Variants in SCN8A observed in about 807,000 individuals in gnomAD.
The protein encoded by SCN8A is sodium channel protein type 8 subunit alpha.
Under a neutral mutation model 184.1 loss-of-function variants are expected in SCN8A, and 30 were observed. That is an observed-to-expected ratio of 0.16 (90% CI 0.12 to 0.22). The LOEUF (loss-of-function observed/expected upper bound fraction) is 0.22. Among genes scored for constraint, SCN8A ranks in the 10% least tolerant of loss-of-function variants. The pLI is 1.00. For missense variants in SCN8A, 1,057 were observed against 2,498.9 expected, an observed-to-expected ratio of 0.42 and a Z score of 12.30; for synonymous variants, 852 against 907.0, an observed-to-expected ratio of 0.94 and a Z score of 1.09.
At chr12:51,743,089 C>G (rs1025175620) in intron 12 of SCN8A, among the ~76,000 whole-genome samples, 2 of 152,136 alleles carry the variant, frequency 1.3e-5, no homozygotes, top group African/African-American at 4.8e-5. Flanking sequence ...TTAAATTTAT[C>G]TGATAGAATG....
At chr12:51,624,069 CAT>C (rs1303980735) in intron 1 of SCN8A, among the ~76,000 whole-genome samples, 2 of 152,180 alleles carry the variant, frequency 1.3e-5, no homozygotes, top group Admixed American at 6.5e-5. Context: ...CCACAATAAA[CAT>C]ATGTGTGCAT....
intron 1 of SCN8A, among the ~76,000 whole-genome samples, chr12:51,651,130 C>G (rs991134835): frequency 1.3e-5 from 2 of 152,178 alleles, no homozygotes; most frequent in Non-Finnish European, 1.5e-5. Context: ...GTTCCTTGCT[C>G]TCATTCCCGT....
chr12:51,713,558 G>A (rs1275442710), intron 11 of SCN8A: 8 of 728,506 alleles, frequency 1.1e-5, no homozygotes, highest in African/African-American at 1.7e-5. Context: ...TGGCAATGTC[G>A]ACGGCTGGAG....
chr12:51,687,797 G>A (rs1019109472), intron 5 of SCN8A, among the ~76,000 whole-genome samples: 1 of 152,178 alleles, frequency 6.6e-6, no homozygotes, highest in African/African-American at 2.4e-5. Flanking sequence ...GCTCATTTGT[G>A]TTGTTTTAGC....
At chr12:51,795,266 A>G (rs983213690) in intron 26 of SCN8A, among the ~76,000 whole-genome samples, 3 of 152,196 alleles carry the variant, frequency 2.0e-5, no homozygotes, top group Non-Finnish European at 2.9e-5. Flanking sequence ...CCAAAGTCCA[A>G]GTTTTTTAAC....
At chr12:51,683,577 A>G (rs1158437465) in intron 2 of SCN8A, among the ~76,000 whole-genome samples, 1 of 152,062 alleles carries the variant, frequency 6.6e-6, no homozygotes, top group East Asian at 1.9e-4. Context: ...ACCTCTTTAA[A>G]ACTGTTGCCT....
rs1942885659 is a variant in SCN8A, at chr12:51,769,225, A to G, written c.3262A>G (p.Asn1088Asp). 6.2e-7 allele frequency: 1 copy of G among 1,613,912 alleles called. No homozygotes were observed. The highest frequency in any genetic ancestry group is 1.7e-5 in the Admixed American group (1 of 60,006). The change falls in exon 17 of 27, where the codon AAC becomes GAC. Residue 1088 changes from asparagine (N) to aspartate (D), a missense_variant. Asn to Asp is a conservative substitution (Grantham distance 23). Transcript: ENST00000627620. ...TGATGAGGACCACATGTCCTTCATC[A>G]ACAACCCCAACTTGACTGTACGGGT... is the stretch of plus-strand genomic sequence containing the variant. ...IIDEDHMSFINNPNLTVRVPI... is the reference protein window; with the variant it reads ...IIDEDHMSFIDNPNLTVRVPI...
intron 21 of SCN8A, among the ~76,000 whole-genome samples, chr12:51,784,291 T>C (rs112957923): frequency 1.3e-5 from 2 of 152,326 alleles, no homozygotes; most frequent in African/African-American, 4.8e-5. Context: ...TGGTGTCTTA[T>C]GCCTGTAATC....
intron 12 of SCN8A, among the ~76,000 whole-genome samples, chr12:51,744,159 C>T (rs1039769123): frequency 1.3e-5 from 2 of 152,008 alleles, no homozygotes; most frequent in African/African-American, 2.4e-5. Flanking sequence ...AAAAATTAGC[C>T]GGGTGTGCTT....
intron 3 of SCN8A, among the ~76,000 whole-genome samples, chr12:51,685,772 C>T (rs1405258147): frequency 3.9e-5 from 6 of 152,104 alleles, no homozygotes; most frequent in Admixed American, 3.3e-4. Flanking sequence ...TATGATGGCT[C>T]AGGCCTGTAA....
At chr12:51,593,079 T>C (rs1483720347) in intron 1 of SCN8A, among the ~76,000 whole-genome samples, 1 of 152,206 alleles carries the variant, frequency 6.6e-6, no homozygotes, top group Non-Finnish European at 1.5e-5. Flanking sequence ...GCACATTACA[T>C]GTAACCTGGT....
intron 6 of SCN8A, among the ~76,000 whole-genome samples, chr12:51,692,080 T>G (rs1941519267): frequency 6.6e-6 from 1 of 152,218 alleles, no homozygotes; most frequent in South Asian, 2.1e-4. Context: ...CCAAGTTTTC[T>G]CGTGGATCAC....
intron 1 of SCN8A, among the ~76,000 whole-genome samples, chr12:51,606,016 A>G (rs1207788637): frequency 6.6e-6 from 1 of 151,926 alleles, no homozygotes; most frequent in South Asian, 2.1e-4. Context: ...AGATATATAG[A>G]TTGTCAAGAT....
At chr12:51,780,618 G>GATTTTTTTTTTTT in intron 20 of SCN8A, 31 bp from the exon 21 acceptor site, 1 of 170,782 alleles carries the variant, frequency 5.9e-6, no homozygotes. Context: ...TACCTTTTTT[G>GATTTTTTTTTTTT]TTTTTGTTTT....
chr12:51,609,151 A>G (rs747586262), intron 1 of SCN8A, among the ~76,000 whole-genome samples: 1 of 152,190 alleles, frequency 6.6e-6, no homozygotes, highest in Non-Finnish European at 1.5e-5. Context: ...TTTATGGCCC[A>G]TCATATGGTC....
intron 1 of SCN8A, among the ~76,000 whole-genome samples, chr12:51,635,720 C>T (rs1172030031): frequency 6.6e-6 from 1 of 152,106 alleles, no homozygotes; most frequent in African/African-American, 2.4e-5. Context: ...AAAGAAAGTA[C>T]ACCCAAGATA....
intron 1 of SCN8A, among the ~76,000 whole-genome samples, chr12:51,656,728 C>T (rs893360147): frequency 2.0e-5 from 3 of 151,704 alleles, no homozygotes; most frequent in Non-Finnish European, 2.9e-5. Context: ...CAAGAGTGAG[C>T]CAACAAACAT....
intron 9 of SCN8A, 125 bp from the exon 10 acceptor site, chr12:51,705,292 T>C (rs2138747675): frequency 1.3e-6 from 1 of 782,728 alleles, no homozygotes; most frequent in Non-Finnish European, 2.1e-6. Context: ...GAAGGAGTAC[T>C]GCACAAGGAA....
At chr12:51,701,315 C>A (rs1265608563) in intron 8 of SCN8A, 108 bp downstream of exon 8, 1 of 597,580 alleles carries the variant, frequency 1.7e-6, no homozygotes, top group Non-Finnish European at 2.8e-6. Context: ...AAGTAGTAGA[C>A]CTTACAATTG....
Sources: allele counts gnomAD v4.1 joint callset (sites outside exome capture counted in the v4.1 genomes callset), GRCh38; gene constraint gnomAD v4.1.1; transcripts MANE v1.5; gene names NCBI Gene and HGNC (gene_info 2026-07-23, HGNC 2026-07-21).